Variants in MROH2B observed in about 807,000 individuals in gnomAD.
MROH2B encodes the protein maestro heat-like repeat-containing protein family member 2B.
A neutral mutation model predicts 208.6 loss-of-function variants in MROH2B; 177 were observed. The observed-to-expected ratio is 0.85, with a 90% CI of 0.75 to 0.96. The LOEUF (loss-of-function observed/expected upper bound fraction) is 0.96. Ranked by LOEUF, MROH2B falls within the 40% of genes least tolerant of loss-of-function variation. The probability of loss-of-function intolerance (pLI) is 0.00; values close to 1 mark genes in which losing one functional copy is unlikely to be tolerated. For synonymous variants in MROH2B, 728 were observed against 659.0 expected (o/e 1.10, Z -1.60); for missense variants, 2,002 against 1,878.7 (o/e 1.07, Z -1.21).
intron 11 of MROH2B, among the ~76,000 whole-genome samples, chr5:41,053,696 A>G (rs562233558): frequency 2.6e-4 from 40 of 152,264 alleles, no homozygotes; most frequent in Admixed American, 7.2e-4. Flanking sequence ...TCAAAGATCT[A>G]TGCTCTTTAT....
chr5:41,031,521 A>C (rs1036244417), intron 24 of MROH2B, among the ~76,000 whole-genome samples: 26 of 152,076 alleles, frequency 1.7e-4, no homozygotes, highest in African/African-American at 6.3e-4. Flanking sequence ...GGTGGTTTTT[A>C]TTATTTTTTA....
In MROH2B at chr5:40,998,611, C is replaced by G; in HGVS notation, c.4651+1G>C. On this transcript the variant is annotated splice_donor_variant, in intron 41 of 41. Coordinates refer to ENST00000399564, the MANE Select transcript of MROH2B (RefSeq NM_173489.5). LOFTEE classifies it high-confidence loss of function. ...TGGGAAGAAACTAGGTTGGTACTCA[C>G]GTGTGGTCAGTTGTTCTCTGTCTAG... The G allele has an allele frequency of 6.3e-7, 1 of 1,593,568 alleles. No homozygotes were observed. The highest frequency in any genetic ancestry group is 8.6e-7 in the Non-Finnish European group (1 of 1,168,722).
intron 21 of MROH2B, among the ~76,000 whole-genome samples, chr5:41,036,321 A>G (rs185368948): frequency 1.3e-5 from 2 of 152,172 alleles, no homozygotes; most frequent in East Asian, 3.9e-4. Context: ...TGATGATTAT[A>G]TAAGGGGGAG....
chr5:41,046,714 C>G (rs1561298768), intron 17 of MROH2B, among the ~76,000 whole-genome samples: 1 of 151,806 alleles, frequency 6.6e-6, no homozygotes, highest in African/African-American at 2.4e-5. Flanking sequence ...GTCAAGACTT[C>G]CTACTAGAAA....
At position 41,019,073 on chromosome 5, in the gene MROH2B, C is replaced by T. The variant is rs1467224519; in HGVS notation, c.2442-55G>A. The stretch of plus-strand genomic sequence containing the variant: ...TATTACAGTGACCATCAGAACATAC[C>T]CAGTGGAATTCCCAAGAACTGCCAA... On this transcript the variant is annotated intron_variant, in intron 24 of 41. Coordinates refer to ENST00000399564, the MANE Select transcript of MROH2B (RefSeq NM_173489.5). 10 of 1,600,606 alleles carry T rather than the reference C, an allele frequency of 6.2e-6. No homozygotes were observed. The East Asian group carries it at 6.7e-5, about 11-fold the overall frequency.
At chr5:41,053,725 C>T (rs1414011406) in intron 11 of MROH2B, among the ~76,000 whole-genome samples, 1 of 152,072 alleles carries the variant, frequency 6.6e-6, no homozygotes, top group Non-Finnish European at 1.5e-5. Context: ...AAACTCTTCT[C>T]GTAATTCTTG....
Position 41,042,677 on chromosome 5 carries a change from T to C in MROH2B, c.1837-469A>G, listed in dbSNP as rs190952864. ...TGGAGTGCAGTGGTGCGATCTTGGC[T>C]CACTGCAACCTCTGCCTCCTGGGTT... On this transcript the variant is annotated intron_variant, in intron 18 of 41. Transcript: ENST00000399564. Among the ~76,000 whole-genome samples the C allele has an allele frequency of 3.5e-4, 54 of 152,330 alleles. No individual in the cohort carries two copies. The South Asian group carries it at 5.6e-3, about 16-fold the overall frequency.
In MROH2B at chr5:41,005,422, C is replaced by CTT; in HGVS notation, c.3864+108_3864+109insAA. The CTT allele has an allele frequency of 4.0e-5, 6 of 151,116 alleles. 1 individual carries two copies. The Admixed American group carries it at 4.2e-4, about 10-fold the overall frequency. 9.4% of individuals were successfully genotyped at this position (151,116 alleles called of 1,614,324 possible). A position where few individuals can be genotyped will look rare whatever the true frequency, so the allele number is the denominator to read the frequency against. ...GTCTCTCCTCTATGAAACCCCCCCC[C>CTT]CCCTTGAAGTCTCTCTTCCCTGGTT... On this transcript the variant is annotated intron_variant, in intron 35 of 41. Coordinates refer to ENST00000399564, the MANE Select transcript of MROH2B (RefSeq NM_173489.5).
In MROH2B at chr5:41,049,111, G is replaced by A. The variant is rs1488616502; in HGVS notation, c.1532C>T (p.Ala511Val). 2.5e-6 allele frequency: 4 copies of A among 1,598,040 alleles called. No homozygotes were observed. The highest frequency in any genetic ancestry group is 3.4e-6 in the Non-Finnish European group (4 of 1,171,386). The change falls in exon 15 of 42, where the codon GCC becomes GTC. Residue 511 changes from alanine (A) to valine (V), a missense_variant. Ala to Val is a moderately conservative substitution (Grantham distance 64). Transcript: ENST00000399564. ...TAGTAACTCACTCACCAGAAGTCTG[G>A]CCAGTAGCTGCTGTGGTGAAGGAAG... Reference protein sequence around the residue: ...VKLPSPQQLLARLLVISMPAS... With the variant: ...VKLPSPQQLLVRLLVISMPAS...
intron 40 of MROH2B, among the ~76,000 whole-genome samples, 185 bp downstream of exon 40, chr5:40,999,492 C>T (rs1371599715): frequency 2.0e-5 from 3 of 152,154 alleles, no homozygotes; most frequent in Non-Finnish European, 2.9e-5. Flanking sequence ...TGAGTTTTCA[C>T]TGCAAAAGGA....
chr5:41,000,739 A>G lies in MROH2B; in HGVS notation c.4289T>C (p.Ile1430Thr), dbSNP rs1244545839. 3 of 1,611,648 alleles carry G rather than the reference A, an allele frequency of 1.9e-6. No homozygotes were observed. The South Asian group carries it at 3.3e-5, about 18-fold the overall frequency. The part of the protein sequence containing the change: ...RRWKIFFAEE[I>T]KKSLISFLLH... The stretch of plus-strand genomic sequence containing the variant: ...AAGGAATGAAATCAGGCTCTTTTTT[A>G]TTTCTTCAGCAAAAAAAATCTTCCA... Residue 1430 changes from isoleucine (I) to threonine (T), a missense_variant, in exon 38 of 42, where the codon ATA (isoleucine) becomes ACA (threonine). By Grantham distance (89) the Ile-to-Thr change is moderately conservative (BLOSUM62 -1). Coordinates refer to ENST00000399564, the MANE Select transcript of MROH2B (RefSeq NM_173489.5).
At chr5:41,051,741 A>G (rs911596446) in intron 12 of MROH2B, among the ~76,000 whole-genome samples, 1 of 152,230 alleles carries the variant, frequency 6.6e-6, no homozygotes, top group Non-Finnish European at 1.5e-5. Flanking sequence ...GGCACTCATT[A>G]GACAATCTTG....
chr5:41,006,725 T>G (rs1243478984), intron 34 of MROH2B, among the ~76,000 whole-genome samples: 1 of 152,134 alleles, frequency 6.6e-6, no homozygotes, highest in African/African-American at 2.4e-5. Flanking sequence ...CTATGTGAAG[T>G]AACTTGGGAA....
intron 34 of MROH2B, 104 bp from the exon 35 acceptor site, chr5:41,005,749 G>A: frequency 1.0e-6 from 1 of 971,170 alleles, no homozygotes; most frequent in South Asian, 1.5e-5. Flanking sequence ...AGGAATGCTT[G>A]GCTGGGGGTG....
chr5:41,000,250 C>T lies in MROH2B; in HGVS notation c.4452G>A (p.Arg1484=), dbSNP rs2111783118. 6.2e-7 allele frequency: 1 copy of T among 1,613,856 alleles called. No homozygotes were observed. Among genetic ancestry groups the T allele is most frequent in the Non-Finnish European group, 8.5e-7 (1 of 1,179,816 alleles). ...TCACACAGAATTGCCTGTAGAAATC[C>T]CTGGCCCTTGGTAGATCCTGATCAA... The part of the protein sequence containing the change: ...RLLDQDLPRA[R]DFYRQFCVKL... Residue 1484 remains arginine, a synonymous_variant, in exon 39 of 42, where the codon AGG becomes AGA. Transcript: ENST00000399564.
chr5:41,018,539 C>A, intron 26 of MROH2B, 109 bp from the exon 27 acceptor site: 1 of 1,446,384 alleles, frequency 6.9e-7, no homozygotes, highest in African/African-American at 1.4e-5. Context: ...CTCACCTCCC[C>A]ACAAACAATT....
chr5:41,012,814 T>C, intron 29 of MROH2B, 79 bp from the exon 30 acceptor site: 1 of 1,548,588 alleles, frequency 6.5e-7, no homozygotes, highest in Non-Finnish European at 8.7e-7. Flanking sequence ...CTGTTGTGGT[T>C]TGTTTTGGGT....
intron 35 of MROH2B, 40 bp from the exon 36 acceptor site, chr5:41,004,960 G>A (rs1361618448): frequency 3.1e-6 from 5 of 1,601,810 alleles, no homozygotes; most frequent in East Asian, 2.2e-5. Context: ...AGTTAAGGGC[G>A]TGGCCCCTCC....
chr5:41,047,887 C>T, intron 16 of MROH2B, 123 bp from the exon 17 acceptor site: 2 of 794,822 alleles, frequency 2.5e-6, no homozygotes, highest in Non-Finnish European at 4.1e-6. Flanking sequence ...GCTCATAATG[C>T]TTATTTGAGA....
Sources: allele counts gnomAD v4.1 joint callset (sites outside exome capture counted in the v4.1 genomes callset), GRCh38; gene constraint gnomAD v4.1.1; transcripts MANE v1.5; gene names NCBI Gene and HGNC (gene_info 2026-07-23, HGNC 2026-07-21).